The following KALRN variants were observed in gnomAD, a reference collection of about 807,000 sequenced individuals.
KALRN encodes the protein kalirin.
In KALRN, 70 loss-of-function variants were observed where a neutral mutation model predicts 353.7. The ratio of observed to expected loss-of-function variants is 0.20; its 90% CI spans 0.16 to 0.24. KALRN has a LOEUF of 0.24. Ranked by LOEUF, KALRN falls within the 10% of genes least tolerant of loss-of-function variation. The probability of loss-of-function intolerance (pLI) is 1.00; values close to 1 mark genes in which losing one functional copy is unlikely to be tolerated. For synonymous variants in KALRN, 1,391 were observed against 1,434.8 expected (o/e 0.97, Z 0.69); for missense variants, 2,791 against 3,756.7 (o/e 0.74, Z 6.72).
At chr3:124,194,984 G>T (rs769244239) in intron 1 of KALRN, among the ~76,000 whole-genome samples, 1 of 152,176 alleles carries the variant, frequency 6.6e-6, no homozygotes, top group East Asian at 1.9e-4. Context: ...GGGGATGGGA[G>T]AATGACAAGT....
intron 2 of KALRN, among the ~76,000 whole-genome samples, chr3:124,232,467 C>A (rs1257807940): frequency 6.6e-6 from 1 of 152,196 alleles, no homozygotes; most frequent in Non-Finnish European, 1.5e-5. Flanking sequence ...ATTTCCTCCT[C>A]TCTCTTGGAG....
chr3:124,579,127 A>T (rs989637674), intron 34 of KALRN, among the ~76,000 whole-genome samples: 10 of 152,216 alleles, frequency 6.6e-5, no homozygotes, highest in African/African-American at 2.4e-4. Flanking sequence ...TATGTCTGTT[A>T]GTGTAAGAGA....
At chr3:124,177,303 G>C (rs960087981) in intron 1 of KALRN, among the ~76,000 whole-genome samples, 1 of 152,234 alleles carries the variant, frequency 6.6e-6, no homozygotes, top group Non-Finnish European at 1.5e-5. Flanking sequence ...TGTGGACTCA[G>C]GCAAAGCCCT....
intron 1 of KALRN, among the ~76,000 whole-genome samples, chr3:124,161,297 C>A (rs1455248755): frequency 1.3e-5 from 2 of 152,004 alleles, no homozygotes; most frequent in South Asian, 4.2e-4. Flanking sequence ...GCAATCATTG[C>A]GAGGAATTAG....
chr3:124,440,364 T>C (rs755879713), intron 18 of KALRN, among the ~76,000 whole-genome samples: 9 of 152,260 alleles, frequency 5.9e-5, no homozygotes, highest in East Asian at 1.9e-4. Context: ...CCTGAAACCA[T>C]AGTGAGAAGC....
chr3:124,287,789 A>C (rs1240101414), intron 5 of KALRN, among the ~76,000 whole-genome samples: 3 of 13,062 alleles, frequency 2.3e-4, no homozygotes, highest in Admixed American at 6.9e-4. Context: ...ATATATATAT[A>C]TATATATATA....
intron 33 of KALRN, among the ~76,000 whole-genome samples, chr3:124,510,010 A>G (rs1172900454): frequency 6.6e-6 from 1 of 152,242 alleles, no homozygotes; most frequent in Admixed American, 6.5e-5. Flanking sequence ...TGATGGAGGA[A>G]CTAACTCCAA....
intron 34 of KALRN, among the ~76,000 whole-genome samples, chr3:124,606,426 C>A (rs1228175833): frequency 6.6e-6 from 1 of 152,198 alleles, no homozygotes; most frequent in Non-Finnish European, 1.5e-5. Flanking sequence ...GCTATGAAAA[C>A]GCCCAGGCCA....
At position 124,199,814 on chromosome 3, in the gene KALRN, G is replaced by A. The variant is rs137915634; in HGVS notation, c.74-28176G>A. Among the ~76,000 whole-genome samples, 323 of 152,272 alleles carry A rather than the reference G, an allele frequency of 2.1e-3. 2 individuals are homozygous for A. The highest frequency in any genetic ancestry group is 7.3e-3 in the African/African-American group (304 of 41,556). ...TCAAGATCTGTTTCAGCTGTTTGAG[G>A]TGGGTGGAGTGAGGCAAGATAGACA... is the stretch of plus-strand genomic sequence containing the variant. On this transcript the variant is annotated intron_variant, in intron 1 of 59. Coordinates refer to ENST00000682506, the MANE Select transcript of KALRN (RefSeq NM_001388419.1).
chr3:124,287,043 G>A (rs1418026595), intron 5 of KALRN, among the ~76,000 whole-genome samples: 1 of 152,050 alleles, frequency 6.6e-6, no homozygotes, highest in Non-Finnish European at 1.5e-5. Flanking sequence ...GGTATGGTAG[G>A]TATATTTTTA....
rs541933400 is a variant in KALRN, at chr3:124,234,629, A to G, written c.149-200A>G. The stretch of plus-strand genomic sequence containing the variant: ...ATCTGCCTTCTACAGATGAGGCACC[A>G]GAGAAGCCAAAAGACTTGCCCACGG... On this transcript the variant is annotated intron_variant, in intron 2 of 59. Coordinates refer to ENST00000682506, the MANE Select transcript of KALRN (RefSeq NM_001388419.1). Among the ~76,000 whole-genome samples, 38 of 152,294 alleles carry G rather than the reference A, an allele frequency of 2.5e-4. No homozygotes were observed. In the South Asian group the frequency reaches 7.9e-3, roughly 32 times the overall value.
intron 5 of KALRN, among the ~76,000 whole-genome samples, chr3:124,270,618 T>G (rs9812928): frequency 0.19 from 29,562 of 151,950 alleles, 2,914 homozygotes; most frequent in South Asian, 0.3. Context: ...TTCTGACCTT[T>G]CTTGGGGCTC....
intron 12 of KALRN, chr3:124,395,548 G>T (rs2150064227): frequency 3.8e-6 from 2 of 530,172 alleles, no homozygotes; most frequent in Middle Eastern, 4.8e-4. Flanking sequence ...ATGTTTCAAA[G>T]AATTATTTAT....
rs192607442 is a variant in KALRN at position 124,361,257 on chromosome 3, A to G, written c.1770+13992A>G. ...TTTTTCTAAAGGAAGTTTCTACTTT[A>G]TTTATCTTTTTATGTTTAATTACAA... is the stretch of plus-strand genomic sequence containing the variant. On this transcript the variant is annotated intron_variant, in intron 10 of 59. Transcript: ENST00000682506. Among the ~76,000 whole-genome samples, 44 of 152,316 alleles carry G rather than the reference A, an allele frequency of 2.9e-4. No homozygotes were observed. The East Asian group carries it at 5.4e-3, about 19-fold the overall frequency.
chr3:124,661,225 G>A (rs1170081441), intron 44 of KALRN, among the ~76,000 whole-genome samples: 9 of 152,186 alleles, frequency 5.9e-5, no homozygotes, highest in Admixed American at 5.2e-4. Context: ...GGCTCCTGGT[G>A]ACACATAGTG....
intron 1 of KALRN, among the ~76,000 whole-genome samples, chr3:124,057,709 T>A (rs892999805): frequency 6.6e-6 from 1 of 152,170 alleles, no homozygotes; most frequent in African/African-American, 2.4e-5. Context: ...TGTCATCAGC[T>A]GCTGCCTCCC....
chr3:124,266,518 T>C (rs1197680788), intron 4 of KALRN, among the ~76,000 whole-genome samples: 1 of 152,248 alleles, frequency 6.6e-6, no homozygotes, highest in Non-Finnish European at 1.5e-5. Context: ...TAAGCGTCTG[T>C]ATTCCAGCCA....
At chr3:124,332,103 C>T (rs2080629277) in intron 8 of KALRN, among the ~76,000 whole-genome samples, 1 of 152,176 alleles carries the variant, frequency 6.6e-6, no homozygotes. Flanking sequence ...CCCCACCCCA[C>T]TCCCCTGGCA....
chr3:124,484,641 G>T (rs1231034511), intron 28 of KALRN, among the ~76,000 whole-genome samples: 1 of 151,984 alleles, frequency 6.6e-6, no homozygotes, highest in African/African-American at 2.4e-5. Context: ...CCTGAGAAAT[G>T]GGTATACGTT....
Sources: gnomAD v4.1 joint callset for allele counts (sites outside exome capture counted in the v4.1 genomes callset) on GRCh38, gnomAD v4.1.1 for gene constraint, MANE v1.5 for transcripts, NCBI Gene and HGNC (gene_info 2026-07-23, HGNC 2026-07-21) for gene names.